Variants in ROCK2 observed in about 807,000 individuals in gnomAD.
ROCK2 encodes Rho associated coiled-coil containing protein kinase 2.
ROCK2 carries 61 observed loss-of-function variants against 195.1 expected under a neutral mutation model. The ratio of observed to expected loss-of-function variants is 0.31; its 90% CI spans 0.25 to 0.39. The LOEUF (loss-of-function observed/expected upper bound fraction) is 0.39, where lower values mean the gene tolerates loss of function less well. Ranked by LOEUF, ROCK2 falls within the 10% of genes least tolerant of loss-of-function variation. The pLI is 1.00. For synonymous variants in ROCK2, 504 were observed against 545.5 expected (o/e 0.92, Z 1.06); for missense variants, 1,109 against 1,637.4 (o/e 0.68, Z 5.57).
intron 5 of ROCK2, among the ~76,000 whole-genome samples, chr2:11,228,918 G>T (rs1664903987): frequency 6.6e-6 from 1 of 151,996 alleles, no homozygotes; most frequent in African/African-American, 2.4e-5. Context: ...TTAAAGGAGA[G>T]AGGATGGTAT....
At chr2:11,282,844 C>T (rs1667053735) in intron 3 of ROCK2, among the ~76,000 whole-genome samples, 1 of 152,028 alleles carries the variant, frequency 6.6e-6, no homozygotes. Context: ...ATTTGAAAAA[C>T]ACCCACCTGA....
chr2:11,237,457 G>T (rs1665252106), intron 4 of ROCK2, among the ~76,000 whole-genome samples: 1 of 152,152 alleles, frequency 6.6e-6, no homozygotes, highest in South Asian at 2.1e-4. Context: ...TTCTAGAAAT[G>T]AGTAAAGTTA....
rs529903995 is a variant in ROCK2, at chr2:11,224,272, A to G, written c.1007+50T>C. 157 of 1,510,996 alleles carry G rather than the reference A, an allele frequency of 1.0e-4. No homozygotes were observed. The South Asian group carries it at 1.9e-3, about 18-fold the overall frequency. 93.6% of individuals were successfully genotyped at this position (1,510,996 alleles called of 1,614,324 possible). On this transcript the variant is annotated intron_variant, in intron 7 of 32. Coordinates refer to ENST00000315872, the MANE Select transcript of ROCK2 (RefSeq NM_004850.5). ...ATAAGCTAGGCATGCTTTTATTTCTATAAATTTAACATAAAGGGCTTCTCT... is the reference window on the plus strand; with the variant it reads ...ATAAGCTAGGCATGCTTTTATTTCTGTAAATTTAACATAAAGGGCTTCTCT...
At chr2:11,198,346 C>T in intron 25 of ROCK2, 145 bp downstream of exon 25, 1 of 587,908 alleles carries the variant, frequency 1.7e-6, no homozygotes, top group Non-Finnish European at 2.9e-6. Context: ...CTTCTCTCAA[C>T]CTGGCAAAAA....
chr2:11,254,633 G>A (rs1043949274), intron 3 of ROCK2, among the ~76,000 whole-genome samples: 3 of 144,174 alleles, frequency 2.1e-5, no homozygotes, highest in Admixed American at 7.3e-5. Flanking sequence ...GGTGGCTCAC[G>A]CCTGTAATCC....
intron 4 of ROCK2, among the ~76,000 whole-genome samples, chr2:11,248,633 C>T (rs940249888): frequency 1.4e-5 from 2 of 139,506 alleles, no homozygotes; most frequent in African/African-American, 5.4e-5. Flanking sequence ...CGCTTGAACC[C>T]GGGAAGCAGA....
chr2:11,242,230 C>T (rs1476491496), intron 4 of ROCK2, among the ~76,000 whole-genome samples: 1 of 152,152 alleles, frequency 6.6e-6, no homozygotes, highest in Non-Finnish European at 1.5e-5. Context: ...AGAAAGGTAA[C>T]ATAGCACAAT....
intron 1 of ROCK2, among the ~76,000 whole-genome samples, chr2:11,333,174 T>C (rs575210268): frequency 7.2e-5 from 11 of 152,248 alleles, no homozygotes; most frequent in African/African-American, 1.2e-4. Flanking sequence ...AATAAAACAG[T>C]TGAAAATAAA....
chr2:11,295,987 A>AGAGAGAGAGC (rs1667507166), intron 1 of ROCK2, among the ~76,000 whole-genome samples: 1 of 37,772 alleles, frequency 2.6e-5, no homozygotes. Flanking sequence ...AGAGAGAGAG[A>AGAGAGAGAGC]GAGGAGAGAG....
intron 1 of ROCK2, among the ~76,000 whole-genome samples, chr2:11,314,361 GT>G (rs1668128114): frequency 6.6e-6 from 1 of 151,798 alleles, no homozygotes; most frequent in African/African-American, 2.4e-5. Context: ...TGCACATGCT[GT>G]TTAGTTACTA....
In ROCK2 at chr2:11,344,192, G is replaced by T; in HGVS notation, c.-56C>A. ...CTCGCGCTCAGGTCCCGCAGCCTCGGGGCCTAGCACCGCCCCCGAACCACC... is the reference window on the plus strand; with the variant it reads ...CTCGCGCTCAGGTCCCGCAGCCTCGTGGCCTAGCACCGCCCCCGAACCACC... On this transcript the variant is annotated 5_prime_UTR_variant, in exon 1 of 33. Transcript: ENST00000315872. This position sits in a 1 kb window ranked among gnomAD's most constrained non-coding sequence, Gnocchi z 5.4. The T allele has an allele frequency of 7.2e-7, 1 of 1,380,364 alleles. No homozygotes were observed. Among genetic ancestry groups the T allele is most frequent in the South Asian group, 1.7e-5 (1 of 60,290 alleles). 85.5% of individuals were successfully genotyped at this position (1,380,364 alleles called of 1,614,324 possible).
chr2:11,332,410 CG>C (rs1249427283), intron 1 of ROCK2, among the ~76,000 whole-genome samples: 1 of 152,066 alleles, frequency 6.6e-6, no homozygotes, highest in African/African-American at 2.4e-5. Context: ...AGTTGATTAC[CG>C]TATTATTTCC....
At chr2:11,243,537 C>G (rs1665507120) in intron 4 of ROCK2, among the ~76,000 whole-genome samples, 1 of 152,150 alleles carries the variant, frequency 6.6e-6, no homozygotes, top group Non-Finnish European at 1.5e-5. Flanking sequence ...CCTGATATGA[C>G]AGCATGAAAA....
At chr2:11,313,454 T>C (rs1027446232) in intron 1 of ROCK2, among the ~76,000 whole-genome samples, 9 of 152,120 alleles carry the variant, frequency 5.9e-5, no homozygotes, top group Admixed American at 2.0e-4. Flanking sequence ...TTAATTTTTA[T>C]ATTTTTAAAT....
At chr2:11,317,792 T>A (rs968256243) in intron 1 of ROCK2, among the ~76,000 whole-genome samples, 14 of 145,152 alleles carry the variant, frequency 9.6e-5, no homozygotes, top group Admixed American at 3.4e-4. Flanking sequence ...CAGGCCCCGG[T>A]GTGTGATGTT....
chr2:11,209,367 T>C (rs150139348), intron 18 of ROCK2, among the ~76,000 whole-genome samples: 3 of 152,292 alleles, frequency 2.0e-5, no homozygotes, highest in Non-Finnish European at 4.4e-5. Flanking sequence ...AATACATGTG[T>C]ACCACTTAAA....
At chr2:11,296,052 A>AGAGAGAGAGAGAGAGAGAG (rs1558370127) in intron 1 of ROCK2, among the ~76,000 whole-genome samples, 4 of 47,886 alleles carry the variant, frequency 8.4e-5, no homozygotes, top group Admixed American at 2.2e-4. Context: ...GAGAGAGAGA[A>AGAGAGAGAGAGAGAGAGAG]AACAAAGGGT....
At chr2:11,264,381 A>G (rs1001030067) in intron 3 of ROCK2, among the ~76,000 whole-genome samples, 19 of 132,694 alleles carry the variant, frequency 1.4e-4, no homozygotes, top group African/African-American at 3.0e-4. Flanking sequence ...AAAATTAACT[A>G]TAAGAGTTGA....
intron 1 of ROCK2, among the ~76,000 whole-genome samples, chr2:11,341,586 A>G (rs1669107316): frequency 6.6e-6 from 1 of 152,174 alleles, no homozygotes; most frequent in African/African-American, 2.4e-5. Flanking sequence ...TTCTTTTGTC[A>G]TCTTAGGTAT....
Sources: gnomAD v4.1 joint callset for allele counts (sites outside exome capture counted in the v4.1 genomes callset) on GRCh38, gnomAD v4.1.1 for gene constraint, Gnocchi (gnomAD v3.1) non-coding constraint, MANE v1.5 for transcripts, NCBI Gene and HGNC (gene_info 2026-07-23, HGNC 2026-07-21) for gene names.